FAF1: variants seen among roughly 807,000 people sequenced by gnomAD.
The protein encoded by FAF1 is FAS-associated factor 1.
In FAF1, 25 loss-of-function variants were observed where a neutral mutation model predicts 92.5. That is an observed-to-expected ratio of 0.27 (90% confidence interval 0.20 to 0.38). The LOEUF is 0.38. Ranked by LOEUF, FAF1 falls within the 10% of genes least tolerant of loss-of-function variation. FAF1 has a pLI of 1.00. For missense variants in FAF1, 636 were observed against 793.3 expected (o/e 0.80, Z 2.38); for synonymous variants, 234 against 273.2 (o/e 0.86, Z 1.42).
chr1:50,870,566 C>G (rs1644519442), intron 1 of FAF1, among the ~76,000 whole-genome samples: 1 of 152,234 alleles, frequency 6.6e-6, no homozygotes, highest in East Asian at 1.9e-4. Context: ...TTCTGTGTCA[C>G]ATTTTGGTAA....
intron 7 of FAF1, among the ~76,000 whole-genome samples, chr1:50,699,141 C>G (rs1657360884): frequency 6.6e-6 from 1 of 151,930 alleles, no homozygotes. Context: ...AACAATGCCA[C>G]TAAAATATAT....
intron 15 of FAF1, among the ~76,000 whole-genome samples, chr1:50,497,424 TC>T (rs754589518): frequency 9.6e-4 from 146 of 152,002 alleles, no homozygotes; most frequent in Non-Finnish European, 1.8e-3. Context: ...AGGAAGTCTT[TC>T]AGGTAAAAGG....
Position 50,567,594 on chromosome 1 carries a change from G to T in FAF1, c.1114-363C>A, listed in dbSNP as rs187612160. ...ATATGTAAAGAGAAATATTAACTTT[G>T]AACTGTTCAACAATACAGAGAAAAA... On this transcript the variant is annotated intron_variant, in intron 12 of 18. Transcript: ENST00000396153. Among the ~76,000 whole-genome samples, 17 of 152,074 alleles carry T rather than the reference G, an allele frequency of 1.1e-4. No individual in the cohort carries two copies. In the East Asian group the frequency reaches 2.9e-3, roughly 26 times the overall value.
At chr1:50,855,202 T>C (rs757025500) in intron 2 of FAF1, among the ~76,000 whole-genome samples, 21 of 151,916 alleles carry the variant, frequency 1.4e-4, no homozygotes, top group Non-Finnish European at 2.8e-4. Flanking sequence ...ATGTGTCTTA[T>C]TGATTTTTTA....
At chr1:50,564,906 G>A (rs974634186) in intron 13 of FAF1, among the ~76,000 whole-genome samples, 1 of 151,402 alleles carries the variant, frequency 6.6e-6, no homozygotes, top group African/African-American at 2.4e-5. Flanking sequence ...TTTCCCATTT[G>A]CCTTAACAGT....
At chr1:50,602,590 T>A (rs934093433) in intron 8 of FAF1, among the ~76,000 whole-genome samples, 1 of 151,268 alleles carries the variant, frequency 6.6e-6, no homozygotes, top group East Asian at 2.0e-4. Flanking sequence ...GCAACCTCCG[T>A]CTCCCAGGTT....
intron 8 of FAF1, among the ~76,000 whole-genome samples, chr1:50,639,243 A>C (rs1654206988): frequency 6.6e-6 from 1 of 152,212 alleles, no homozygotes; most frequent in South Asian, 2.1e-4. Context: ...ACTATAAATA[A>C]AGCTCCAATA....
chr1:50,522,984 A>G (rs1647582888), intron 15 of FAF1, among the ~76,000 whole-genome samples: 2 of 152,080 alleles, frequency 1.3e-5, no homozygotes, highest in East Asian at 1.9e-4. Flanking sequence ...TGCCTATTTG[A>G]TTGTTTTCAA....
At chr1:50,619,760 C>CT (rs765485053) in intron 8 of FAF1, among the ~76,000 whole-genome samples, 3 of 152,124 alleles carry the variant, frequency 2.0e-5, no homozygotes, top group Non-Finnish European at 4.4e-5. Flanking sequence ...CCAGGGTTCT[C>CT]TGTATTTCCT....
At chr1:50,945,502 C>G (rs1349496106) in intron 1 of FAF1, among the ~76,000 whole-genome samples, 3 of 152,162 alleles carry the variant, frequency 2.0e-5, no homozygotes, top group Admixed American at 6.5e-5. Flanking sequence ...GTGTCACAGT[C>G]CTTTGCTTTG....
intron 4 of FAF1, among the ~76,000 whole-genome samples, chr1:50,746,273 TATATATATATATA>T (rs1659597698): frequency 5.0e-5 from 1 of 19,912 alleles, no homozygotes; most frequent in African/African-American, 2.1e-4. Context: ...TATATATATA[TATATATATATATA>T]TATATATTTT....
rs35479561 is a variant in FAF1 at position 50,457,724 on chromosome 1, C to CAAAAAAAAAAAAAAAAAAAAA, written c.1870-16222_1870-16202dup. Among the ~76,000 whole-genome samples, 95 of 56,552 alleles carry CAAAAAAAAAAAAAAAAAAAAA rather than the reference C, an allele frequency of 1.7e-3. 1 individual carries two copies. Among genetic ancestry groups the CAAAAAAAAAAAAAAAAAAAAA allele is most frequent in the South Asian group, 2.0e-3 (3 of 1,482 alleles). The allele number at this position is 56,552 out of a possible 152,430, so 37.1% of individuals were successfully genotyped here. A position where few individuals can be genotyped will look rare whatever the true frequency, so the allele number is the denominator to read the frequency against. ...GCAATTCGGTGAAACCCCATCTCTG[C>CAAAAAAAAAAAAAAAAAAAAA]AAAAAAAAAAAAAAAAAAAAAATAC... On this transcript the variant is annotated intron_variant, in intron 18 of 18. Coordinates refer to ENST00000396153, the MANE Select transcript of FAF1 (RefSeq NM_007051.3).
intron 15 of FAF1, among the ~76,000 whole-genome samples, chr1:50,510,482 A>G (rs895427142): frequency 6.6e-6 from 1 of 152,224 alleles, no homozygotes; most frequent in African/African-American, 2.4e-5. Flanking sequence ...ATTCATGAAT[A>G]ATTACATGAA....
chr1:50,520,056 G>A (rs1647422307), intron 15 of FAF1, among the ~76,000 whole-genome samples: 1 of 152,152 alleles, frequency 6.6e-6, no homozygotes, highest in Admixed American at 6.6e-5. Context: ...AGATTTAATG[G>A]TCAAAACAAA....
At chr1:50,797,706 A>C (rs148630130) in intron 3 of FAF1, among the ~76,000 whole-genome samples, 7 of 152,222 alleles carry the variant, frequency 4.6e-5, no homozygotes, top group African/African-American at 1.4e-4. Context: ...ACAACAACAA[A>C]AAAAGATACT....
intron 1 of FAF1, among the ~76,000 whole-genome samples, chr1:50,867,736 T>C (rs1330838392): frequency 6.6e-6 from 1 of 152,162 alleles, no homozygotes; most frequent in Admixed American, 6.6e-5. Flanking sequence ...CTGGTGGGAA[T>C]GTAAACTAGT....
chr1:50,667,374 T>G (rs897385506), intron 7 of FAF1, among the ~76,000 whole-genome samples: 16 of 152,162 alleles, frequency 1.1e-4, no homozygotes, highest in African/African-American at 3.9e-4. Flanking sequence ...CAATGGACAG[T>G]AAATCAATTA....
At chr1:50,688,248 G>A (rs1569767859) in intron 7 of FAF1, among the ~76,000 whole-genome samples, 1 of 152,118 alleles carries the variant, frequency 6.6e-6, no homozygotes, top group African/African-American at 2.4e-5. Context: ...CATTGCTGGA[G>A]GAAATGTAAA....
intron 2 of FAF1, among the ~76,000 whole-genome samples, chr1:50,856,665 T>C (rs1343810041): frequency 6.6e-6 from 1 of 151,832 alleles, no homozygotes; most frequent in Admixed American, 6.6e-5. Context: ...AATATGCATG[T>C]AATTTGCCTC....
Sources: allele counts gnomAD v4.1 joint callset (sites outside exome capture counted in the v4.1 genomes callset), GRCh38; gene constraint gnomAD v4.1.1; transcripts MANE v1.5; gene names NCBI Gene and HGNC (gene_info 2026-07-23, HGNC 2026-07-21).